Variants in CLVS2 observed in about 807,000 individuals in gnomAD.
CLVS2 encodes clavesin-2.
CLVS2 carries 19 observed loss-of-function variants against 29.0 expected under a neutral mutation model. The ratio of observed to expected loss-of-function variants is 0.66; its 90% CI spans 0.46 to 0.96. The LOEUF (loss-of-function observed/expected upper bound fraction) is 0.96, where lower values mean the gene tolerates loss of function less well. CLVS2 is among the 40% of genes least tolerant of loss of function. The pLI is 0.00. For synonymous variants in CLVS2, 161 were observed against 151.3 expected (o/e 1.06, Z -0.47); for missense variants, 294 against 404.1 (o/e 0.73, Z 2.34).
intron 3 of CLVS2, among the ~76,000 whole-genome samples, chr6:123,033,726 AT>A (rs2114336945): frequency 6.6e-6 from 1 of 152,214 alleles, no homozygotes; most frequent in South Asian, 2.1e-4. Context: ...CCTCACCAAA[AT>A]TAAAAAAAAA....
chr6:123,006,767 G>A (rs1005410437), intron 2 of CLVS2, among the ~76,000 whole-genome samples: 4 of 152,158 alleles, frequency 2.6e-5, no homozygotes, highest in Admixed American at 1.3e-4. Context: ...GAAAGATGAG[G>A]ATGTTGCACA....
At chr6:123,000,975 T>C (rs1283187979) in intron 2 of CLVS2, among the ~76,000 whole-genome samples, 1 of 152,234 alleles carries the variant, frequency 6.6e-6, no homozygotes, top group African/African-American at 2.4e-5. Flanking sequence ...AACAAGATTT[T>C]ATGAATTTTG....
intron 3 of CLVS2, among the ~76,000 whole-genome samples, chr6:123,042,165 C>A (rs1775242972): frequency 6.6e-6 from 1 of 151,988 alleles, no homozygotes; most frequent in Admixed American, 6.6e-5. Flanking sequence ...AAGTAAAAAC[C>A]CTTTCTAACC....
chr6:123,000,830 G>A (rs1774579094), intron 2 of CLVS2, among the ~76,000 whole-genome samples: 1 of 152,192 alleles, frequency 6.6e-6, no homozygotes, highest in Non-Finnish European at 1.5e-5. Context: ...TTCTTAAAAA[G>A]TAGCCTGTTT....
At chr6:123,010,138 T>C (rs572009635) in intron 2 of CLVS2, among the ~76,000 whole-genome samples, 2 of 152,178 alleles carry the variant, frequency 1.3e-5, no homozygotes, top group African/African-American at 4.8e-5. Context: ...CTAATTTCAG[T>C]CCTCACATTG....
At chr6:123,047,294 C>T (rs1473347146) in intron 3 of CLVS2, among the ~76,000 whole-genome samples, 5 of 151,770 alleles carry the variant, frequency 3.3e-5, no homozygotes, top group Admixed American at 6.6e-5. Flanking sequence ...ATATACTATG[C>T]CTGTATTCAG....
intron 2 of CLVS2, among the ~76,000 whole-genome samples, chr6:123,009,831 T>C (rs1177515428): frequency 6.6e-6 from 1 of 152,136 alleles, no homozygotes; most frequent in Non-Finnish European, 1.5e-5. Flanking sequence ...ATATTTCTCT[T>C]AGCTCTGACT....
At chr6:123,033,788 G>A (rs902361903) in intron 3 of CLVS2, among the ~76,000 whole-genome samples, 1 of 151,976 alleles carries the variant, frequency 6.6e-6, no homozygotes, top group Non-Finnish European at 1.5e-5. Flanking sequence ...AGCCACCGAT[G>A]GGGAGAAAAT....
At chr6:123,010,796 T>C (rs902827302) in intron 2 of CLVS2, among the ~76,000 whole-genome samples, 189 bp from the exon 3 acceptor site, 1 of 152,070 alleles carries the variant, frequency 6.6e-6, no homozygotes, top group African/African-American at 2.4e-5. Flanking sequence ...AGAATACATG[T>C]TAAATTCGAT....
Position 123,011,031 on chromosome 6 carries a change from G to A in CLVS2, c.436G>A (p.Ala146Thr), listed in dbSNP as rs761982510. The A allele has an allele frequency of 1.2e-5, 20 of 1,608,658 alleles. No individual in the cohort carries two copies. The highest frequency in any genetic ancestry group is 6.7e-5 in the East Asian group (3 of 44,660). ...GCGTGCCATCTTACTTTCTTTAGAA[G>A]CCATGATTGAAGATCCTGAGCTTCA... ...ILRAILLSLEAMIEDPELQVN... is the reference protein window; with the variant it reads ...ILRAILLSLETMIEDPELQVN... The change falls in exon 3 of 6, where the codon GCC (alanine) becomes ACC (threonine). Residue 146 changes from alanine (A) to threonine (T), a missense_variant. Around this residue, in one of 2 missense-constraint regions of CLVS2, gnomAD observed 212 missense variants for 336.4 expected, o/e 0.63. Coordinates refer to ENST00000275162, the MANE Select transcript of CLVS2 (RefSeq NM_001010852.4).
At chr6:123,035,034 G>T (rs1295313515) in intron 3 of CLVS2, among the ~76,000 whole-genome samples, 2 of 152,088 alleles carry the variant, frequency 1.3e-5, no homozygotes, top group Non-Finnish European at 2.9e-5. Context: ...TGAATGAGAA[G>T]AAAGAACAGT....
intron 3 of CLVS2, among the ~76,000 whole-genome samples, chr6:123,016,391 T>G (rs2114314615): frequency 6.6e-6 from 1 of 151,878 alleles, no homozygotes; most frequent in East Asian, 2.0e-4. Context: ...TCTCTAAAAC[T>G]CTTTATTAAT....
At chr6:123,015,811 A>G (rs924058373) in intron 3 of CLVS2, among the ~76,000 whole-genome samples, 4 of 152,044 alleles carry the variant, frequency 2.6e-5, no homozygotes, top group Admixed American at 6.6e-5. Flanking sequence ...AGGATAAAGC[A>G]TGAAGGCCAA....
chr6:123,042,685 C>T (rs1775250208), intron 3 of CLVS2, among the ~76,000 whole-genome samples: 1 of 152,148 alleles, frequency 6.6e-6, no homozygotes, highest in Admixed American at 6.5e-5. Context: ...GCAGAAGACA[C>T]TGGTTGGAAT....
chr6:123,036,907 C>T (rs116861959), intron 3 of CLVS2, among the ~76,000 whole-genome samples: 2 of 152,240 alleles, frequency 1.3e-5, no homozygotes, highest in Non-Finnish European at 2.9e-5. Context: ...GGCTCAGTAA[C>T]CTCCCTCTTC....
intron 3 of CLVS2, among the ~76,000 whole-genome samples, chr6:123,043,697 T>C (rs1298403634): frequency 6.6e-6 from 1 of 152,184 alleles, no homozygotes; most frequent in African/African-American, 2.4e-5. Flanking sequence ...TATAGAAAAG[T>C]TCATTTTGCT....
intron 3 of CLVS2, among the ~76,000 whole-genome samples, chr6:123,013,101 A>G (rs1044465842): frequency 6.6e-6 from 1 of 152,096 alleles, no homozygotes; most frequent in Non-Finnish European, 1.5e-5. Context: ...CCGTTGTGAC[A>G]TGCATGATCT....
At chr6:123,040,105 G>A (rs1775206829) in intron 3 of CLVS2, among the ~76,000 whole-genome samples, 2 of 152,080 alleles carry the variant, frequency 1.3e-5, no homozygotes, top group African/African-American at 4.8e-5. Flanking sequence ...GTGCTGTTAG[G>A]CTTCACCAAG....
rs374626847 is a variant in CLVS2 at position 123,063,119 on chromosome 6, T to C, written c.897-555T>C. ...TCTCAAGATGAAGGTTGATTTTATTTGGATATTCTACTAGGACATTTAACA... is the reference window on the plus strand; with the variant it reads ...TCTCAAGATGAAGGTTGATTTTATTCGGATATTCTACTAGGACATTTAACA... On this transcript the variant is annotated intron_variant, in intron 5 of 5. Coordinates refer to ENST00000275162, the MANE Select transcript of CLVS2 (RefSeq NM_001010852.4). Among the ~76,000 whole-genome samples, 30 of 152,324 alleles carry C rather than the reference T, an allele frequency of 2.0e-4. 1 individual carries two copies. The South Asian group carries it at 6.2e-3, about 32-fold the overall frequency.
Sources: allele counts gnomAD v4.1 joint callset (sites outside exome capture counted in the v4.1 genomes callset), GRCh38; gene constraint gnomAD v4.1.1; regional missense constraint gnomAD v4.1.1; transcripts MANE v1.5; gene names NCBI Gene and HGNC (gene_info 2026-07-23, HGNC 2026-07-21).